The following ZFYVE26 variants were observed in gnomAD, a reference collection of about 807,000 sequenced individuals.
ZFYVE26 encodes the protein zinc finger FYVE domain-containing protein 26.
Under a neutral mutation model 276.5 loss-of-function variants are expected in ZFYVE26, and 181 were observed. The observed-to-expected ratio is 0.65, with a 90% CI of 0.58 to 0.74. The LOEUF is 0.74. ZFYVE26 is among the 30% of genes least tolerant of loss of function. The pLI is 0.00. For missense variants in ZFYVE26, 2,821 were observed against 3,097.9 expected (o/e 0.91, Z 2.12); for synonymous variants, 1,129 against 1,203.1 (o/e 0.94, Z 1.27).
At position 67,794,035 on chromosome 14, in the gene ZFYVE26, C is replaced by T. The variant is rs1056464966; in HGVS notation, c.2401+136G>A. 3.0e-5 allele frequency: 30 copies of T among 1,014,844 alleles called. No homozygotes were observed. In the Middle Eastern group the frequency reaches 1.3e-3, roughly 45 times the overall value. 62.9% of individuals were successfully genotyped at this position (1,014,844 alleles called of 1,614,324 possible). On this transcript the variant is annotated intron_variant, in intron 13 of 41. Coordinates refer to ENST00000347230, the MANE Select transcript of ZFYVE26 (RefSeq NM_015346.4). ...GAATGAAACAGTCCTTTCCCTTCTCCCAGCTAAAATCTGGCCATCTGCCAA... is the reference window on the plus strand; with the variant it reads ...GAATGAAACAGTCCTTTCCCTTCTCTCAGCTAAAATCTGGCCATCTGCCAA...
intron 6 of ZFYVE26, among the ~76,000 whole-genome samples, chr14:67,806,055 A>G (rs975866101): frequency 1.3e-5 from 2 of 152,164 alleles, no homozygotes; most frequent in Non-Finnish European, 2.9e-5. Flanking sequence ...TGGTGAATTG[A>G]GTAAAATAAA....
At chr14:67,752,881 T>C (rs2038685852) in intron 39 of ZFYVE26, among the ~76,000 whole-genome samples, 1 of 152,128 alleles carries the variant, frequency 6.6e-6, no homozygotes, top group South Asian at 2.1e-4. Context: ...TGGTGCTCTG[T>C]TAAGACGCAG....
intron 29 of ZFYVE26, 65 bp downstream of exon 29, chr14:67,769,529 G>C (rs1321916487): frequency 6.2e-7 from 1 of 1,608,160 alleles, no homozygotes; most frequent in African/African-American, 1.3e-5. Flanking sequence ...ACTCCTAGGA[G>C]TGTAGGGACC....
At chr14:67,804,842 A>G (rs901717992) in intron 8 of ZFYVE26, among the ~76,000 whole-genome samples, 1 of 152,216 alleles carries the variant, frequency 6.6e-6, no homozygotes, top group African/African-American at 2.4e-5. Context: ...TGTGGGCTTC[A>G]GTTGCCTGAC....
At chr14:67,757,542 T>G (rs1163926401) in intron 35 of ZFYVE26, among the ~76,000 whole-genome samples, 1 of 152,172 alleles carries the variant, frequency 6.6e-6, no homozygotes, top group Non-Finnish European at 1.5e-5. Flanking sequence ...CCCTTCCTCC[T>G]CCCTGTTTTA....
chr14:67,760,432 C>T (rs2038900987), intron 35 of ZFYVE26, among the ~76,000 whole-genome samples: 1 of 152,178 alleles, frequency 6.6e-6, no homozygotes, highest in African/African-American at 2.4e-5. Context: ...ATATGTCTAT[C>T]TGTACATTTG....
chr14:67,792,931 A>AAAAG (rs2039857835), intron 14 of ZFYVE26, among the ~76,000 whole-genome samples: 3 of 149,806 alleles, frequency 2.0e-5, no homozygotes, highest in Non-Finnish European at 4.4e-5. Context: ...AAAAAAAAAA[A>AAAAG]AAAGAAAAGG....
downstream of ZFYVE26, among the ~76,000 whole-genome samples, chr14:67,743,498 TAATAAAATAAAATAAAATAA>T (rs142422698): frequency 0.099 from 13,725 of 139,198 alleles, 837 homozygotes; most frequent in Middle Eastern, 0.16. Flanking sequence ...CTCAGTATAA[TAATAAAATAAAATAAAATAA>T]AATAAAATAA....
chr14:67,804,039 G>A, intron 9 of ZFYVE26, 62 bp downstream of exon 9: 6 of 1,601,334 alleles, frequency 3.7e-6, no homozygotes, highest in Non-Finnish European at 5.1e-6. Context: ...TCTCATGCTG[G>A]AAGAAATGTG....
chr14:67,753,785 C>A lies in ZFYVE26; in HGVS notation c.7129-19G>T. 1 of 1,612,004 alleles carries A rather than the reference C, an allele frequency of 6.2e-7. No homozygotes were observed. The highest frequency in any genetic ancestry group is 1.1e-5 in the South Asian group (1 of 90,636). ...GCATGACCTGAAAAGGAAAGGGAATCATGCTTAAAAACATGGCAATTACTA... is the reference window on the plus strand; with the variant it reads ...GCATGACCTGAAAAGGAAAGGGAATAATGCTTAAAAACATGGCAATTACTA... On this transcript the variant is annotated intron_variant, in intron 38 of 41. Coordinates refer to ENST00000347230, the MANE Select transcript of ZFYVE26 (RefSeq NM_015346.4).
chr14:67,762,888 T>G, intron 32 of ZFYVE26, 69 bp from the exon 33 acceptor site: 1 of 1,593,428 alleles, frequency 6.3e-7, no homozygotes, highest in Non-Finnish European at 8.5e-7. Context: ...GCTTAAAGGT[T>G]TCCTATTCCA....
At chr14:67,749,076 T>G (rs1191473833) in intron 41 of ZFYVE26, among the ~76,000 whole-genome samples, 1 of 152,084 alleles carries the variant, frequency 6.6e-6, no homozygotes, top group African/African-American at 2.4e-5. Flanking sequence ...AGGGCAAGAG[T>G]AGTGTCTGTT....
chr14:67,740,648 C>T (rs1018632720), intron 13 of ZFYVE26, among the ~76,000 whole-genome samples: 1 of 152,156 alleles, frequency 6.6e-6, no homozygotes, highest in Non-Finnish European at 1.5e-5. Context: ...GTGGCTCATG[C>T]CTGTAATCCC....
At chr14:67,775,564 TG>T (rs1273666799) in intron 26 of ZFYVE26, among the ~76,000 whole-genome samples, 1 of 152,226 alleles carries the variant, frequency 6.6e-6, no homozygotes, top group Non-Finnish European at 1.5e-5. Flanking sequence ...ATGATGGCAC[TG>T]AAGAGCCCGC....
chr14:67,803,966 C>T (rs1001118984), intron 9 of ZFYVE26, 135 bp downstream of exon 9: 6 of 1,153,742 alleles, frequency 5.2e-6, no homozygotes, highest in African/African-American at 4.5e-5. Context: ...ACAAACAGTG[C>T]TCATTTAGAG....
intron 3 of ZFYVE26, among the ~76,000 whole-genome samples, chr14:67,809,798 T>TTA (rs2040262230): frequency 6.8e-6 from 1 of 146,362 alleles, no homozygotes; most frequent in African/African-American, 2.5e-5. Flanking sequence ...TTTTTTTTTT[T>TTA]TTTTGAGATA....
intron 4 of ZFYVE26, 21 bp downstream of exon 4, chr14:67,809,179 G>A: frequency 6.3e-7 from 1 of 1,599,876 alleles, no homozygotes; most frequent in East Asian, 2.2e-5. Flanking sequence ...CTGGGCAGAT[G>A]GTACCAGGGC....
At position 67,798,719 on chromosome 14, in the gene ZFYVE26, C is replaced by T; in HGVS notation, c.1640-97G>A. 5 of 1,472,836 alleles carry T rather than the reference C, an allele frequency of 3.4e-6. No individual in the cohort carries two copies. In the South Asian group the frequency reaches 5.9e-5, roughly 17 times the overall value. The allele number at this position is 1,472,836 out of a possible 1,614,324, so 91.2% of individuals were successfully genotyped here. On this transcript the variant is annotated intron_variant, in intron 10 of 41. Transcript: ENST00000347230. ...CTCCCAGCGTCAAACATTCTCGCAA[C>T]TTTAGCTCATTTATTTATTTTTTAA...
chr14:67,797,445 T>G (rs746578732), intron 12 of ZFYVE26: 5 of 594,124 alleles, frequency 8.4e-6, no homozygotes, highest in Non-Finnish European at 1.5e-5. Context: ...CAATATATAG[T>G]ATAATGCATG....
Sources: gnomAD v4.1 joint callset for allele counts (sites outside exome capture counted in the v4.1 genomes callset) on GRCh38, gnomAD v4.1.1 for gene constraint, MANE v1.5 for transcripts, NCBI Gene and HGNC (gene_info 2026-07-23, HGNC 2026-07-21) for gene names.